XPNPEP3: variants seen among roughly 807,000 people sequenced by gnomAD.
XPNPEP3 encodes X-prolyl aminopeptidase 3, also known as xaa-Pro aminopeptidase 3.
A neutral mutation model predicts 60.0 loss-of-function variants in XPNPEP3; 41 were observed. The observed-to-expected ratio is 0.68, with a 90% CI of 0.53 to 0.89. XPNPEP3 has a LOEUF of 0.89. XPNPEP3 is among the 40% of genes least tolerant of loss of function. The probability of loss-of-function intolerance (pLI) is 0.00; values close to 1 mark genes in which losing one functional copy is unlikely to be tolerated. For missense variants in XPNPEP3, 598 were observed against 638.9 expected, an observed-to-expected ratio of 0.94 and a Z score of 0.69; for synonymous variants, 212 against 223.2, an observed-to-expected ratio of 0.95 and a Z score of 0.45.
chr22:40,923,241 A>G (rs991833765), intron 8 of XPNPEP3, among the ~76,000 whole-genome samples: 1 of 151,948 alleles, frequency 6.6e-6, no homozygotes, highest in Non-Finnish European at 1.5e-5. Context: ...AGAGAGATTA[A>G]CTTTTAATCC....
In XPNPEP3 at chr22:40,857,156, C is replaced by T. The variant is rs778471002; in HGVS notation, c.-26C>T. ...CGTTCCCCGTCGTTACCCTCTTTCTCTTCCCGACGCGTGAGTTAGGCCGTA... is the reference window on the plus strand; with the variant it reads ...CGTTCCCCGTCGTTACCCTCTTTCTTTTCCCGACGCGTGAGTTAGGCCGTA... On this transcript the variant is annotated 5_prime_UTR_variant, in exon 1 of 10. Transcript: ENST00000357137. The T allele has an allele frequency of 2.5e-6, 4 of 1,613,762 alleles. No homozygotes were observed. The highest frequency in any genetic ancestry group is 2.2e-5 in the East Asian group (1 of 44,888).
chr22:40,876,728 A>G (rs1470391717), intron 2 of XPNPEP3, among the ~76,000 whole-genome samples: 2 of 152,250 alleles, frequency 1.3e-5, no homozygotes, highest in African/African-American at 2.4e-5. Context: ...CACACTTTCA[A>G]CCACAAAACA....
At chr22:40,862,777 C>T in intron 1 of XPNPEP3, 8 of 984,284 alleles carry the variant, frequency 8.1e-6, no homozygotes, top group Non-Finnish European at 9.7e-6. Flanking sequence ...TATGTATTCA[C>T]TGTATAATTA....
rs117102915 is a variant in XPNPEP3 at position 40,862,305 on chromosome 22, G to A, written c.64+5060G>A. ...ATCCTCTGGACTGTTTCCCCTGTATGTTTCCCTGGAAGCTTCAGGCAGTGC... is the reference window on the plus strand; with the variant it reads ...ATCCTCTGGACTGTTTCCCCTGTATATTTCCCTGGAAGCTTCAGGCAGTGC... On this transcript the variant is annotated intron_variant, in intron 1 of 9. Transcript: ENST00000357137. 2,704 of 1,050,828 alleles carry A rather than the reference G, an allele frequency of 2.6e-3. 5 individuals are homozygous for A. The highest frequency in any genetic ancestry group is 0.01 in the Middle Eastern group (23 of 2,238). 65.1% of individuals were successfully genotyped at this position (1,050,828 alleles called of 1,614,324 possible).
chr22:40,907,634 C>T lies in XPNPEP3; in HGVS notation c.840C>T (p.Ala280=). The change falls in exon 5 of 10, where the codon GCC becomes GCT. Residue 280 remains alanine, a synonymous_variant. Coordinates refer to ENST00000357137, the MANE Select transcript of XPNPEP3 (RefSeq NM_022098.4). ...MFTSKAPVEE[A]FLYAKFEFEC... is the part of the protein sequence containing the mutation. ...CCAGTAAAGCCCCTGTGGAAGAAGCCTTTCTTTATGCTAAGGTGAGATTCA... is the reference window on the plus strand; with the variant it reads ...CCAGTAAAGCCCCTGTGGAAGAAGCTTTTCTTTATGCTAAGGTGAGATTCA... 2 of 1,613,936 alleles carry T rather than the reference C, an allele frequency of 1.2e-6. No homozygotes were observed. The highest frequency in any genetic ancestry group is 1.7e-6 in the Non-Finnish European group (2 of 1,179,902).
chr22:40,900,417 C>T (rs533791387), intron 4 of XPNPEP3, among the ~76,000 whole-genome samples: 2 of 151,872 alleles, frequency 1.3e-5, no homozygotes, highest in East Asian at 3.9e-4. Flanking sequence ...CCAGCCTGGC[C>T]AACATAGTGA....
chr22:40,904,012 A>G (rs1300582283), intron 4 of XPNPEP3, among the ~76,000 whole-genome samples: 2 of 152,200 alleles, frequency 1.3e-5, no homozygotes, highest in South Asian at 2.1e-4. Context: ...TATGAGATGC[A>G]GGGTGAAATG....
intron 1 of XPNPEP3, chr22:40,862,362 C>T: frequency 9.9e-7 from 1 of 1,008,472 alleles, no homozygotes; most frequent in Non-Finnish European, 1.2e-6. Context: ...TTGCTAATAG[C>T]CACAGCATAT....
At position 40,869,057 on chromosome 22, in the gene XPNPEP3, T is replaced by G; in HGVS notation, c.123T>G (p.Ile41Met). ...YSLQPVPERR[I>M]PNRYLGQPSP... ...TTCAGCCTGTCCCAGAAAGGAGGAT[T>G]CCAAACCGATACTTAGGCCAGCCCA... The change falls in exon 2 of 10, where the codon ATT becomes ATG. Residue 41 changes from isoleucine to methionine, a missense_variant. Transcript: ENST00000357137. 1 of 1,614,044 alleles carries G rather than the reference T, an allele frequency of 6.2e-7. No homozygotes were observed. Among genetic ancestry groups the G allele is most frequent in the Non-Finnish European group, 8.5e-7 (1 of 1,179,960 alleles).
chr22:40,917,077 C>CA (rs961258042), intron 7 of XPNPEP3: 50 of 146,568 alleles, frequency 3.4e-4, no homozygotes, highest in Non-Finnish European at 4.6e-4. Context: ...GACCCTGTCG[C>CA]AAAAAAAAAG....
chr22:40,918,229 C>T (rs980539246), intron 7 of XPNPEP3, among the ~76,000 whole-genome samples: 1 of 151,806 alleles, frequency 6.6e-6, no homozygotes, highest in African/African-American at 2.4e-5. Context: ...AAAAAATTGG[C>T]CAACTATGGT....
At chr22:40,869,152 TTC>T in intron 2 of XPNPEP3, 37 bp downstream of exon 2, 2 of 1,548,690 alleles carry the variant, frequency 1.3e-6, no homozygotes, top group Non-Finnish European at 1.8e-6. Flanking sequence ...CCCATTTAGG[TTC>T]TGTCTAGAGC....
chr22:40,883,875 C>G (rs2058058207), intron 3 of XPNPEP3, among the ~76,000 whole-genome samples: 2 of 152,008 alleles, frequency 1.3e-5, no homozygotes, highest in South Asian at 4.1e-4. Flanking sequence ...GATAGATGCT[C>G]AAGTTTAAAA....
intron 4 of XPNPEP3, among the ~76,000 whole-genome samples, chr22:40,900,887 C>G (rs866887582): frequency 6.6e-6 from 1 of 152,044 alleles, no homozygotes; most frequent in Non-Finnish European, 1.5e-5. Context: ...GAGCCAAGAT[C>G]ACAGCACTGC....
chr22:40,907,875 T>A (rs2058162255), intron 5 of XPNPEP3, among the ~76,000 whole-genome samples: 1 of 152,114 alleles, frequency 6.6e-6, no homozygotes, highest in Admixed American at 6.6e-5. Context: ...AGGGAAGATT[T>A]AGCAATGTGA....
intron 2 of XPNPEP3, among the ~76,000 whole-genome samples, chr22:40,878,252 G>A (rs1381011537): frequency 4.0e-5 from 6 of 151,704 alleles, no homozygotes; most frequent in Admixed American, 6.6e-5. Flanking sequence ...GCTTTGTTGC[G>A]TTGAGATTTT....
chr22:40,898,565 GTTAATAT>G (rs1432615861), intron 4 of XPNPEP3, among the ~76,000 whole-genome samples: 1 of 151,870 alleles, frequency 6.6e-6, no homozygotes, highest in Non-Finnish European at 1.5e-5. Context: ...CCCATTTTGA[GTTAATAT>G]TTATATATGG....
chr22:40,902,358 C>T (rs1443796345), intron 4 of XPNPEP3, among the ~76,000 whole-genome samples: 1 of 150,820 alleles, frequency 6.6e-6, no homozygotes, highest in Non-Finnish European at 1.5e-5. Context: ...TCACGCCATT[C>T]TCCTGCCTCA....
At chr22:40,861,728 T>C (rs2057949095) in intron 1 of XPNPEP3, 2 of 1,614,056 alleles carry the variant, frequency 1.2e-6, no homozygotes, top group Non-Finnish European at 1.7e-6. Context: ...GCTTATGGAA[T>C]GTGAAGCCGT....
Sources: allele counts gnomAD v4.1 joint callset (sites outside exome capture counted in the v4.1 genomes callset), GRCh38; gene constraint gnomAD v4.1.1; transcripts MANE v1.5; gene names NCBI Gene and HGNC (gene_info 2026-07-23, HGNC 2026-07-21).